EFR3B: variants seen among roughly 807,000 people sequenced by gnomAD.
EFR3B encodes the protein EFR3 homolog B, also known as protein EFR3 homolog B.
Under a neutral mutation model 104.7 loss-of-function variants are expected in EFR3B, and 64 were observed. The observed-to-expected ratio is 0.61, with a 90% CI of 0.50 to 0.75. EFR3B has a LOEUF of 0.75. Among genes scored for constraint, EFR3B ranks in the 30% least tolerant of loss-of-function variants. The pLI, the probability that EFR3B is intolerant of heterozygous loss-of-function variation, is 0.00. For missense variants in EFR3B, 750 were observed against 1,078.5 expected (o/e 0.70, Z 4.27); for synonymous variants, 385 against 417.9 (o/e 0.92, Z 0.96).
At chr2:25,147,986 T>C (rs1377997810) in intron 19 of EFR3B, 1 of 123,552 alleles carries the variant, frequency 8.1e-6, no homozygotes, top group African/African-American at 3.3e-5. Flanking sequence ...GATCATACCA[T>C]AGTACTCTAG....
At position 25,137,549 on chromosome 2, in the gene EFR3B, G is replaced by A; in HGVS notation, c.1722+47G>A. ...GCATGGGGCTTGGGATCAGGGGAGG[G>A]ACTTGTTTTGGGCAAGCCCTGATAA... is the stretch of plus-strand genomic sequence containing the variant. On this transcript the variant is annotated intron_variant, in intron 15 of 22. Transcript: ENST00000403714. The surrounding 1 kb of genome is among the most constrained non-coding windows in gnomAD (Gnocchi z 4.7). 1 of 1,549,890 alleles carries A rather than the reference G, an allele frequency of 6.5e-7. No homozygotes were observed. The highest frequency in any genetic ancestry group is 8.7e-7 in the Non-Finnish European group (1 of 1,145,814).
intron 1 of EFR3B, among the ~76,000 whole-genome samples, chr2:25,072,848 T>TA (rs1420747266): frequency 6.6e-6 from 1 of 152,164 alleles, no homozygotes; most frequent in East Asian, 1.9e-4. Context: ...TCTCAGGCCT[T>TA]TTCTGCTCCT....
chr2:25,071,000 G>A (rs770152502), intron 1 of EFR3B, among the ~76,000 whole-genome samples: 6 of 152,158 alleles, frequency 3.9e-5, no homozygotes, highest in Non-Finnish European at 7.3e-5. Flanking sequence ...TCGCTCTGTC[G>A]CCCAGACTGG....
At chr2:25,144,295 C>T (rs762976771) in intron 18 of EFR3B, among the ~76,000 whole-genome samples, 4 of 152,190 alleles carry the variant, frequency 2.6e-5, no homozygotes. Flanking sequence ...GTAATCCCAG[C>T]ACTTTGGGAG....
At chr2:25,098,286 A>G (rs1669336902) in intron 3 of EFR3B, among the ~76,000 whole-genome samples, 1 of 152,122 alleles carries the variant, frequency 6.6e-6, no homozygotes, top group Admixed American at 6.5e-5. Context: ...TGTGCAAATG[A>G]CTGGCCCTAC....
rs1260784571 is a variant in EFR3B at position 25,136,411 on chromosome 2, C to A, written c.1485-112C>A. 2.6e-6 allele frequency: 2 copies of A among 770,398 alleles called. No homozygotes were observed. Among genetic ancestry groups the A allele is most frequent in the Non-Finnish European group, 4.2e-6 (2 of 475,100 alleles). 47.7% of individuals were successfully genotyped at this position (770,398 alleles called of 1,614,324 possible). ...GGGCTGAGAACCAGGGCCAGGGGAG[C>A]ACTGGAGGCTTTGTACCAACTAACA... On this transcript the variant is annotated intron_variant, in intron 13 of 22. Coordinates refer to ENST00000403714, the MANE Select transcript of EFR3B (RefSeq NM_014971.2). The surrounding 1 kb of genome is among the most constrained non-coding windows in gnomAD (Gnocchi z 4.0).
At chr2:25,076,554 G>A (rs1003676501) in intron 1 of EFR3B, among the ~76,000 whole-genome samples, 5 of 152,128 alleles carry the variant, frequency 3.3e-5, no homozygotes, top group Admixed American at 2.6e-4. Context: ...AGCTGGGTTT[G>A]AAACCAGGCT....
chr2:25,068,213 G>C (rs1329248779), intron 1 of EFR3B, among the ~76,000 whole-genome samples: 2 of 152,340 alleles, frequency 1.3e-5, no homozygotes, highest in East Asian at 3.9e-4. Flanking sequence ...AGTCTGAGAT[G>C]CTGCTGGGGA....
At chr2:25,081,279 C>T in intron 1 of EFR3B, 1 of 1,042,550 alleles carries the variant, frequency 9.6e-7, no homozygotes, top group Non-Finnish European at 1.5e-6. Context: ...TGTTCCTTTT[C>T]CTCGACCATC....
chr2:25,134,206 T>A (rs1670459459), intron 12 of EFR3B, among the ~76,000 whole-genome samples: 1 of 151,218 alleles, frequency 6.6e-6, no homozygotes, highest in African/African-American at 2.4e-5. Context: ...TGAGATGGAG[T>A]TTCGCTCTTG....
In EFR3B at chr2:25,143,739, T is replaced by A; in HGVS notation, c.1927T>A (p.Ser643Thr). Residue 643 changes from serine to threonine, a missense_variant, in exon 18 of 23, where the codon TCT (serine) becomes ACT (threonine). Coordinates refer to ENST00000403714, the MANE Select transcript of EFR3B (RefSeq NM_014971.2). Reference protein sequence around the residue: ...EDVFVERPRLSQNLDGVVIEL... With the variant: ...EDVFVERPRLTQNLDGVVIEL... ...TCTCCCTCCTTCATCTTCCAGGCTG[T>A]CTCAGAATCTTGATGGGGTGGTCAT... is the stretch of plus-strand genomic sequence containing the variant. 6.4e-7 allele frequency: 1 copy of A among 1,551,534 alleles called. No homozygotes were observed.
intron 17 of EFR3B, among the ~76,000 whole-genome samples, chr2:25,143,044 G>A (rs1225987034): frequency 1.3e-5 from 2 of 149,818 alleles, no homozygotes; most frequent in African/African-American, 2.4e-5. Flanking sequence ...TCAGAAGATC[G>A]AGACCATCCT....
chr2:25,075,259 A>G (rs1668603981), intron 1 of EFR3B, among the ~76,000 whole-genome samples: 1 of 152,008 alleles, frequency 6.6e-6, no homozygotes, highest in Admixed American at 6.6e-5. Flanking sequence ...TCTGTTCCTG[A>G]CTCTGTTCCT....
At chr2:25,058,507 C>A (rs889912357) in intron 1 of EFR3B, among the ~76,000 whole-genome samples, 1 of 152,084 alleles carries the variant, frequency 6.6e-6, no homozygotes, top group African/African-American at 2.4e-5. Context: ...GCCTGTAATC[C>A]CAGCACTTTG....
Position 25,103,778 on chromosome 2 carries a change from C to G in EFR3B, c.354C>G (p.Gly118=). ...ESEKPNLQIL[G]TNSFVKFANI... is the part of the protein sequence containing the mutation. ...AGAAACCCAACCTGCAGATCCTCGG[C>G]ACCAACTCGGTAAGGAGCGGCCCAG... Residue 118 remains glycine (G), a synonymous_variant, in exon 4 of 23, where the codon GGC becomes GGG. Transcript: ENST00000403714. The G allele has an allele frequency of 6.4e-7, 1 of 1,551,458 alleles. No homozygotes were observed. Among genetic ancestry groups the G allele is most frequent in the Non-Finnish European group, 8.7e-7 (1 of 1,146,850 alleles).
intron 1 of EFR3B, among the ~76,000 whole-genome samples, chr2:25,057,037 C>T (rs1223809592): frequency 6.6e-6 from 1 of 152,196 alleles, no homozygotes; most frequent in Non-Finnish European, 1.5e-5. Context: ...GCAGCTGAGG[C>T]ACCCGGGGCT....
intron 1 of EFR3B, among the ~76,000 whole-genome samples, chr2:25,055,341 A>C (rs1472422595): frequency 6.6e-6 from 1 of 152,224 alleles, no homozygotes; most frequent in African/African-American, 2.4e-5. Flanking sequence ...CCTTACATCT[A>C]GGACTTGGGT....
rs960158612 is a variant in EFR3B at position 25,054,167 on chromosome 2, C to T, written c.7+11848C>T. ...GCCCTGGACATTTGGTTCATCTTTC[C>T]CTGAGCTCATTCCTCCCCCTGGAGA... On this transcript the variant is annotated intron_variant, in intron 1 of 22. Coordinates refer to ENST00000403714, the MANE Select transcript of EFR3B (RefSeq NM_014971.2). Among the ~76,000 whole-genome samples, 4 of 152,174 alleles carry T rather than the reference C, an allele frequency of 2.6e-5. No individual in the cohort carries two copies. In the South Asian group the frequency reaches 8.3e-4, roughly 32 times the overall value.
At chr2:25,116,110 G>A (rs563492924) in intron 4 of EFR3B, 4 of 152,234 alleles carry the variant, frequency 2.6e-5, no homozygotes, top group Admixed American at 2.6e-4. Flanking sequence ...AGTGGTGAGT[G>A]GAATGTATTT....
Sources: allele counts gnomAD v4.1 joint callset (sites outside exome capture counted in the v4.1 genomes callset), GRCh38; gene constraint gnomAD v4.1.1; non-coding constraint Gnocchi (gnomAD v3.1); transcripts MANE v1.5; gene names NCBI Gene and HGNC (gene_info 2026-07-23, HGNC 2026-07-21).